Variants in AKAP19 observed in about 807,000 individuals in gnomAD.
AKAP19 encodes A-kinase anchoring protein 19, also known as small A-kinase anchoring protein.
chr2:189,978,435 A>G, the AKAP19 span, among the ~76,000 whole-genome samples: 16 of 152,150 alleles, frequency 1.1e-4, no homozygotes, highest in African/African-American at 2.7e-4. Context: ...AGCCTGGCCA[A>G]CATGGTGAAA....
chr2:189,985,915 T>A, the AKAP19 span, among the ~76,000 whole-genome samples: 1 of 151,936 alleles, frequency 6.6e-6, no homozygotes. Context: ...TGTATAAAAA[T>A]AAAAAAATTA....
chr2:189,936,966 T>C, the AKAP19 span, among the ~76,000 whole-genome samples: 2 of 151,950 alleles, frequency 1.3e-5, no homozygotes. Context: ...TCCCTGTCAG[T>C]GCACAGAAAA....
At chr2:189,933,841 G>T in the AKAP19 span, among the ~76,000 whole-genome samples, 1 of 151,900 alleles carries the variant, frequency 6.6e-6, no homozygotes, top group Non-Finnish European at 1.5e-5. Flanking sequence ...GTCACTTTTG[G>T]ACTACTTGAT....
At chr2:190,191,225 T>C in the AKAP19 span, among the ~76,000 whole-genome samples, 3 of 152,084 alleles carry the variant, frequency 2.0e-5, no homozygotes, top group Non-Finnish European at 4.4e-5. Flanking sequence ...GCAACCTCTG[T>C]TCTGCCTCCT....
chr2:189,885,310 T>C, the AKAP19 span, among the ~76,000 whole-genome samples: 8 of 152,216 alleles, frequency 5.3e-5, no homozygotes, highest in African/African-American at 1.9e-4. Context: ...CTAATCACCT[T>C]GTGAGAAGTC....
the AKAP19 span, among the ~76,000 whole-genome samples, chr2:190,167,564 C>T: frequency 3.9e-5 from 6 of 152,262 alleles, no homozygotes; most frequent in African/African-American, 7.2e-5. Flanking sequence ...TGCCTATGAG[C>T]GTGTAAAATC....
the AKAP19 span, among the ~76,000 whole-genome samples, chr2:189,988,271 C>T: frequency 1.1e-4 from 16 of 152,110 alleles, no homozygotes; most frequent in African/African-American, 3.6e-4. Flanking sequence ...GAAAACATGT[C>T]CAAAGAACCC....
the AKAP19 span, among the ~76,000 whole-genome samples, chr2:190,078,139 G>A: frequency 6.6e-5 from 10 of 152,178 alleles, no homozygotes; most frequent in South Asian, 2.1e-4. Context: ...TCTCCTCAGC[G>A]TTTCCAATTA....
chr2:190,162,688 C>A, the AKAP19 span, among the ~76,000 whole-genome samples: 62 of 152,148 alleles, frequency 4.1e-4, 1 homozygote, highest in Admixed American at 4.1e-3. Flanking sequence ...TATTTAAGAG[C>A]CTTATTTAAG....
the AKAP19 span, among the ~76,000 whole-genome samples, chr2:190,112,658 C>G: frequency 6.6e-6 from 1 of 152,074 alleles, no homozygotes; most frequent in African/African-American, 2.4e-5. Context: ...GGTCAAATGA[C>G]TTTCCTCCTT....
the AKAP19 span, among the ~76,000 whole-genome samples, chr2:189,925,795 G>C: frequency 6.6e-6 from 1 of 152,058 alleles, no homozygotes; most frequent in Middle Eastern, 3.2e-3. Context: ...GGGCATGCAA[G>C]GATACTAGAA....
chr2:190,185,290 A>G, the AKAP19 span, among the ~76,000 whole-genome samples: 2 of 152,232 alleles, frequency 1.3e-5, no homozygotes, highest in Non-Finnish European at 2.9e-5. Context: ...TAGGTTTGTG[A>G]CCAAGGCCTG....
chr2:190,126,015 G>A, the AKAP19 span, among the ~76,000 whole-genome samples: 3 of 151,730 alleles, frequency 2.0e-5, no homozygotes, highest in Non-Finnish European at 4.4e-5. Flanking sequence ...AGTATAGGCT[G>A]GGCACAGTGG....
chr2:189,880,824 C>G, the AKAP19 span, among the ~76,000 whole-genome samples: 1 of 152,040 alleles, frequency 6.6e-6, no homozygotes, highest in African/African-American at 2.4e-5. Flanking sequence ...TAACTTAAAC[C>G]AAAGTTACCA....
At chr2:190,076,959 C>G in the AKAP19 span, among the ~76,000 whole-genome samples, 1 of 152,056 alleles carries the variant, frequency 6.6e-6, no homozygotes, top group East Asian at 1.9e-4. Flanking sequence ...TATTACTGTT[C>G]AGTCTCTTTT....
the AKAP19 span, among the ~76,000 whole-genome samples, chr2:190,004,842 G>A: frequency 1.3e-5 from 2 of 152,216 alleles, no homozygotes; most frequent in Non-Finnish European, 2.9e-5. Context: ...TAGGTTCAAG[G>A]TTATGAACAC....
the AKAP19 span, among the ~76,000 whole-genome samples, chr2:189,973,854 T>C: frequency 6.6e-5 from 10 of 152,308 alleles, no homozygotes; most frequent in East Asian, 1.9e-3. Flanking sequence ...TTTTATTGCA[T>C]CTATTTGACT....
the AKAP19 span, among the ~76,000 whole-genome samples, chr2:190,173,118 A>AAAAAAT: frequency 6.7e-4 from 101 of 150,066 alleles, no homozygotes; most frequent in African/African-American, 2.3e-3. Flanking sequence ...CCATCTCAAA[A>AAAAAAT]AAAATAAAAT....
the AKAP19 span, among the ~76,000 whole-genome samples, chr2:190,076,872 A>G: frequency 1.3e-5 from 2 of 152,242 alleles, no homozygotes; most frequent in African/African-American, 4.8e-5. Context: ...TTCTCCCCTC[A>G]TCATTTTCTG....
Sources: gnomAD v4.1 joint callset for allele counts (sites outside exome capture counted in the v4.1 genomes callset) on GRCh38, gnomAD v4.1.1 for gene constraint, MANE v1.5 for transcripts, NCBI Gene and HGNC (gene_info 2026-07-23, HGNC 2026-07-21) for gene names.